The following CFTR variants were observed in gnomAD, a reference collection of about 807,000 sequenced individuals.
CFTR encodes the protein CF transmembrane conductance regulator.
CFTR carries 181 observed loss-of-function variants against 171.6 expected under a neutral mutation model. That is an observed-to-expected ratio of 1.05 (90% CI 0.93 to 1.19). CFTR has a LOEUF of 1.19. Ranked by LOEUF, CFTR falls within the 50% of genes most tolerant of loss-of-function variation. CFTR has a pLI of 0.00. For synonymous variants in CFTR, 583 were observed against 608.0 expected, an observed-to-expected ratio of 0.96 and a Z score of 0.60; for missense variants, 1,968 against 1,734.7, an observed-to-expected ratio of 1.13 and a Z score of -2.39.
chr7:117,563,129 T>C lies in CFTR; in HGVS notation c.1584+3474T>C, dbSNP rs1160732535. On this transcript the variant is annotated intron_variant, in intron 11 of 26. Coordinates refer to ENST00000003084, the MANE Select transcript of CFTR (RefSeq NM_000492.4). ...AGCTTTGTGAATAGCAGAAAGAACA[T>C]AGATTTTGAAAGCTGGCAGACGTAG... is the stretch of plus-strand genomic sequence containing the variant. 2.6e-5 allele frequency among the ~76,000 whole-genome samples: 4 copies of C among 152,274 alleles called. No homozygotes were observed. The South Asian group carries it at 8.3e-4, about 32-fold the overall frequency.
chr7:117,497,860 T>C, intron 1 of CFTR, among the ~76,000 whole-genome samples: 1 of 152,168 alleles, frequency 6.6e-6, no homozygotes, highest in East Asian at 1.9e-4. Flanking sequence ...TACACATACC[T>C]TTTCTTTAAT....
At chr7:117,572,323 T>C (rs1175108302) in intron 11 of CFTR, among the ~76,000 whole-genome samples, 2 of 152,154 alleles carry the variant, frequency 1.3e-5, no homozygotes, top group Non-Finnish European at 1.5e-5. Flanking sequence ...TTTAAGCTGA[T>C]TGAAGATTCT....
At chr7:117,623,039 G>A (rs1249104417) in intron 21 of CFTR, among the ~76,000 whole-genome samples, 1 of 152,162 alleles carries the variant, frequency 6.6e-6, no homozygotes, top group Non-Finnish European at 1.5e-5. Flanking sequence ...GGGCTCAGAA[G>A]AGGTTTTGGA....
intron 9 of CFTR, 143 bp from the exon 10 acceptor site, chr7:117,548,498 T>G (rs1799203764): frequency 1.4e-6 from 2 of 1,443,412 alleles, no homozygotes; most frequent in East Asian, 5.1e-5. Context: ...TACTATAAAG[T>G]AATAATGTAT....
chr7:117,531,237 C>A (rs1798861258), intron 4 of CFTR, 123 bp downstream of exon 4: 4 of 709,186 alleles, frequency 5.6e-6, no homozygotes, highest in Non-Finnish European at 9.7e-6. Context: ...TTTAATATGC[C>A]TATTAAATAA....
chr7:117,642,622 G>C lies in CFTR; in HGVS notation c.3873+29G>C, dbSNP rs757672766. The C allele has an allele frequency of 6.2e-6, 10 of 1,609,956 alleles. No individual in the cohort carries two copies. The highest frequency in any genetic ancestry group is 8.5e-6 in the Non-Finnish European group (10 of 1,177,396). Reference sequence around the variant, plus strand: ...AGCAAAAGGACTTAGCCAGAAAAAAGGCAACTAAATTATATTTTTTACTGC... The same window carrying C: ...AGCAAAAGGACTTAGCCAGAAAAAACGCAACTAAATTATATTTTTTACTGC... On this transcript the variant is annotated intron_variant, in intron 23 of 26. Transcript: ENST00000003084.
chr7:117,512,972 C>T (rs1798544267), intron 3 of CFTR, among the ~76,000 whole-genome samples: 1 of 152,054 alleles, frequency 6.6e-6, no homozygotes, highest in South Asian at 2.1e-4. Context: ...ATGTTGCAGA[C>T]TACAGTCTAT....
chr7:117,536,821 G>A, intron 7 of CFTR, 148 bp downstream of exon 7: 1 of 720,798 alleles, frequency 1.4e-6, no homozygotes, highest in Non-Finnish European at 2.3e-6. Context: ...TCATGCATTA[G>A]TTGCACAAAT....
intron 2 of CFTR, among the ~76,000 whole-genome samples, chr7:117,508,056 G>A (rs1303003166): frequency 3.9e-5 from 6 of 152,206 alleles, no homozygotes; most frequent in Admixed American, 2.6e-4. Flanking sequence ...GATTAGTGGC[G>A]TGAGCCACTG....
At chr7:117,587,682 C>G in intron 11 of CFTR, 57 bp from the exon 12 acceptor site, 1 of 1,004,696 alleles carries the variant, frequency 1.0e-6, no homozygotes, top group Non-Finnish European at 1.6e-6. Flanking sequence ...ATGTGCCTTT[C>G]AAATTCAGAT....
At chr7:117,486,849 A>C (rs1584767094) in intron 1 of CFTR, among the ~76,000 whole-genome samples, 1 of 103,648 alleles carries the variant, frequency 9.6e-6, no homozygotes, top group East Asian at 3.7e-4. Flanking sequence ...AGATGAGCTG[A>C]AAGAGTGGCC....
At chr7:117,585,513 T>C (rs528421926) in intron 11 of CFTR, among the ~76,000 whole-genome samples, 1 of 152,216 alleles carries the variant, frequency 6.6e-6, no homozygotes, top group African/African-American at 2.4e-5. Context: ...TCCTGCTTTT[T>C]AATAATGTAT....
At chr7:117,607,958 A>G (rs1419755721) in intron 18 of CFTR, among the ~76,000 whole-genome samples, 2 of 152,210 alleles carry the variant, frequency 1.3e-5, no homozygotes, top group Non-Finnish European at 2.9e-5. Context: ...TTTGTTTTTC[A>G]TGTTAAGAGT....
chr7:117,574,389 G>A (rs1411152817), intron 11 of CFTR, among the ~76,000 whole-genome samples: 1 of 151,848 alleles, frequency 6.6e-6, no homozygotes, highest in Admixed American at 6.6e-5. Flanking sequence ...TCCAGATTCA[G>A]CAGCTTCATA....
Position 117,611,584 on chromosome 7 carries a change from G to A in CFTR, c.3143G>A (p.Arg1048Lys). ...QQLKQLESEGRSPIFTHLVTS... is the reference protein window; with the variant it reads ...QQLKQLESEGKSPIFTHLVTS... ...TTTCTATGGAAATATTTCACAGGCA[G>A]GAGTCCAATTTTCACTCATCTTGTT... Residue 1048 changes from arginine to lysine, a missense_variant, in exon 20 of 27, where the codon AGG becomes AAG. Transcript: ENST00000003084. The A allele has an allele frequency of 1.3e-6, 2 of 1,584,506 alleles. No individual in the cohort carries two copies. Among genetic ancestry groups the A allele is most frequent in the African/African-American group, 1.3e-5 (1 of 74,430 alleles).
In CFTR at chr7:117,531,032, T is replaced by A; in HGVS notation, c.407T>A (p.Leu136Gln). The A allele has an allele frequency of 6.2e-7, 1 of 1,613,844 alleles. No individual in the cohort carries two copies. Among genetic ancestry groups the A allele is most frequent in the Non-Finnish European group, 8.5e-7 (1 of 1,179,876 alleles). ...GLCLLFIVRT[L>Q]LLHPAIFGLH... ...TGCCTTCTCTTTATTGTGAGGACAC[T>A]GCTCCTACACCCAGCCATTTTTGGC... Residue 136 changes from leucine (L) to glutamine (Q), a missense_variant, in exon 4 of 27, where the codon CTG becomes CAG. Coordinates refer to ENST00000003084, the MANE Select transcript of CFTR (RefSeq NM_000492.4).
chr7:117,554,078 T>G (rs932385147), intron 10 of CFTR, among the ~76,000 whole-genome samples: 1 of 152,170 alleles, frequency 6.6e-6, no homozygotes, highest in African/African-American at 2.4e-5. Context: ...TAAGGCTTAT[T>G]TCTCTGGGTG....
chr7:117,517,229 C>T (rs993999052), intron 3 of CFTR, among the ~76,000 whole-genome samples: 13 of 152,042 alleles, frequency 8.6e-5, no homozygotes, highest in Non-Finnish European at 2.9e-5. Flanking sequence ...CCTCACAGGC[C>T]CCTGTGTGTG....
rs145653635 is a variant in CFTR at position 117,504,845 on chromosome 7, C to G, written c.164+482C>G. On this transcript the variant is annotated intron_variant, in intron 2 of 26. Coordinates refer to ENST00000003084, the MANE Select transcript of CFTR (RefSeq NM_000492.4). ...AATAAAATCATAAAAGAAAAATAAT[C>G]AGTTTCCTAAGAAATGATTTTTTTT... Among the ~76,000 whole-genome samples, 7 of 150,700 alleles carry G rather than the reference C, an allele frequency of 4.6e-5. No homozygotes were observed. In the East Asian group the frequency reaches 1.2e-3, roughly 25 times the overall value.
Sources: allele counts gnomAD v4.1 joint callset (sites outside exome capture counted in the v4.1 genomes callset), GRCh38; gene constraint gnomAD v4.1.1; transcripts MANE v1.5; gene names NCBI Gene and HGNC (gene_info 2026-07-23, HGNC 2026-07-21).